Variants in ROBO2 observed in about 807,000 individuals in gnomAD.
ROBO2 encodes roundabout guidance receptor 2, also known as roundabout homolog 2.
Under a neutral mutation model 160.8 loss-of-function variants are expected in ROBO2, and 53 were observed. The observed-to-expected ratio is 0.33, with a 90% CI of 0.26 to 0.41. ROBO2 has a LOEUF of 0.41. Among genes scored for constraint, ROBO2 ranks in the 10% least tolerant of loss-of-function variants. ROBO2 has a pLI of 1.00. For missense variants in ROBO2, 1,577 were observed against 1,722.4 expected (o/e 0.92, Z 1.49); for synonymous variants, 664 against 611.7 (o/e 1.09, Z -1.26).
intron 2 of ROBO2, among the ~76,000 whole-genome samples, chr3:77,109,196 G>A (rs2073246666): frequency 1.3e-5 from 2 of 152,152 alleles, no homozygotes; most frequent in South Asian, 4.1e-4. Context: ...CTACTGGTCG[G>A]TACTCACCTA....
At chr3:77,288,381 G>A (rs1207603904) in intron 2 of ROBO2, among the ~76,000 whole-genome samples, 3 of 152,166 alleles carry the variant, frequency 2.0e-5, no homozygotes, top group African/African-American at 7.2e-5. Context: ...AAGCATACAA[G>A]TTTTTGGATA....
chr3:76,151,256 G>A (rs1270529408), intron 2 of ROBO2, among the ~76,000 whole-genome samples: 1 of 151,918 alleles, frequency 6.6e-6, no homozygotes, highest in Non-Finnish European at 1.5e-5. Context: ...TTCCTATAAT[G>A]CTCATATGGA....
intron 2 of ROBO2, among the ~76,000 whole-genome samples, chr3:76,845,422 A>G (rs1018179345): frequency 2.0e-5 from 3 of 151,990 alleles, no homozygotes; most frequent in Non-Finnish European, 4.4e-5. Context: ...ATATATTTTT[A>G]TATAAACAAT....
At chr3:76,398,329 G>A (rs1182444586) in intron 2 of ROBO2, among the ~76,000 whole-genome samples, 1 of 142,694 alleles carries the variant, frequency 7.0e-6, no homozygotes, top group Non-Finnish European at 1.5e-5. Flanking sequence ...CTGTTGTGGG[G>A]TGGGGGGAGG....
intron 2 of ROBO2, among the ~76,000 whole-genome samples, chr3:77,371,222 C>G (rs1019217076): frequency 6.6e-6 from 1 of 152,194 alleles, no homozygotes; most frequent in Non-Finnish European, 1.5e-5. Context: ...CTAGCCCATT[C>G]ACAAAAGTCA....
At chr3:77,552,974 C>T (rs1303713248) in intron 8 of ROBO2, among the ~76,000 whole-genome samples, 3 of 151,822 alleles carry the variant, frequency 2.0e-5, no homozygotes, top group Non-Finnish European at 4.4e-5. Context: ...AGAATGAAAA[C>T]GTATGTCATG....
At chr3:76,186,595 T>A (rs1406843529) in intron 2 of ROBO2, among the ~76,000 whole-genome samples, 1 of 152,116 alleles carries the variant, frequency 6.6e-6, no homozygotes, top group African/African-American at 2.4e-5. Context: ...CTGCTGTCTC[T>A]TCAGTGTCAT....
chr3:76,818,810 G>A (rs1456353624), intron 2 of ROBO2, among the ~76,000 whole-genome samples: 3 of 151,954 alleles, frequency 2.0e-5, no homozygotes, highest in African/African-American at 7.3e-5. Context: ...CATTCCATTG[G>A]CCCATGTGCC....
At chr3:77,139,506 A>G (rs1326191848) in intron 2 of ROBO2, among the ~76,000 whole-genome samples, 1 of 152,176 alleles carries the variant, frequency 6.6e-6, no homozygotes, top group Admixed American at 6.5e-5. Flanking sequence ...CTACTAATAA[A>G]AATATGATTT....
chr3:76,848,376 T>C (rs2068979011), intron 2 of ROBO2, among the ~76,000 whole-genome samples: 1 of 152,070 alleles, frequency 6.6e-6, no homozygotes, highest in Non-Finnish European at 1.5e-5. Context: ...TTTTTGTGAT[T>C]TCAATACTTC....
intron 2 of ROBO2, among the ~76,000 whole-genome samples, chr3:76,080,399 C>T (rs960147760): frequency 1.3e-5 from 2 of 152,094 alleles, no homozygotes; most frequent in Admixed American, 6.5e-5. Flanking sequence ...TCAACTTGTG[C>T]GGGACTTCGG....
chr3:76,722,346 T>C (rs2093478938), intron 2 of ROBO2, among the ~76,000 whole-genome samples: 2 of 152,040 alleles, frequency 1.3e-5, no homozygotes, highest in Non-Finnish European at 1.5e-5. Context: ...GATATCGAAC[T>C]CCTGACCTCA....
intron 2 of ROBO2, among the ~76,000 whole-genome samples, chr3:76,520,108 C>T (rs1253715924): frequency 1.3e-5 from 2 of 152,128 alleles, no homozygotes; most frequent in African/African-American, 2.4e-5. Flanking sequence ...CTCTATTACA[C>T]GTTCCAATTA....
At chr3:75,918,614 T>G (rs1253986888) in intron 1 of ROBO2, among the ~76,000 whole-genome samples, 1 of 152,150 alleles carries the variant, frequency 6.6e-6, no homozygotes, top group Non-Finnish European at 1.5e-5. Flanking sequence ...AACCTATAAA[T>G]TACTTTGGGC....
At chr3:76,045,735 T>A (rs1332173999) in intron 2 of ROBO2, among the ~76,000 whole-genome samples, 1 of 151,996 alleles carries the variant, frequency 6.6e-6, no homozygotes, top group Non-Finnish European at 1.5e-5. Context: ...TGCCACAGGT[T>A]TATTTTGGAA....
chr3:76,913,816 CTG>C (rs542055833), intron 2 of ROBO2, among the ~76,000 whole-genome samples: 32 of 151,946 alleles, frequency 2.1e-4, no homozygotes, highest in African/African-American at 5.8e-4. Context: ...AGAGGAGTAA[CTG>C]TGAATAATAC....
intron 2 of ROBO2, among the ~76,000 whole-genome samples, chr3:76,821,883 A>T (rs568478145): frequency 3.3e-5 from 5 of 152,110 alleles, no homozygotes; most frequent in African/African-American, 1.2e-4. Flanking sequence ...TCAGTGGTAT[A>T]ACACTAGAGT....
intron 2 of ROBO2, among the ~76,000 whole-genome samples, chr3:76,016,130 A>T (rs1041483839): frequency 6.6e-6 from 1 of 152,136 alleles, no homozygotes; most frequent in African/African-American, 2.4e-5. Context: ...AATAAAAATT[A>T]TACCCCATTT....
rs1034830235 is a variant in ROBO2 at position 76,436,176 on chromosome 3, A to ACACACACACACACACACACACACACC, written c.109+498579_109+498580insACACACACACACACACACACCCACAC. Among the ~76,000 whole-genome samples the ACACACACACACACACACACACACACC allele has an allele frequency of 8.2e-3, 1,233 of 150,710 alleles. 13 individuals carry two copies. Among genetic ancestry groups the ACACACACACACACACACACACACACC allele is most frequent in the African/African-American group, 0.029 (1,179 of 40,346 alleles). Reference sequence around the variant, plus strand: ...AAAAGGAAAACACACACACACACACACACACCATTTCTTTTTCTTTTTTTT... The same window carrying ACACACACACACACACACACACACACC: ...AAAAGGAAAACACACACACACACACACACACACACACACACACACACACACCCACACCATTTCTTTTTCTTTTTTTT... On this transcript the variant is annotated intron_variant, in intron 2 of 26. Transcript: ENST00000487694.
Sources: gnomAD v4.1 joint callset for allele counts (sites outside exome capture counted in the v4.1 genomes callset) on GRCh38, gnomAD v4.1.1 for gene constraint, MANE v1.5 for transcripts, NCBI Gene and HGNC (gene_info 2026-07-23, HGNC 2026-07-21) for gene names.